Variants in SLC11A2 observed in about 807,000 individuals in gnomAD.
SLC11A2 encodes solute carrier family 11 member 2.
A neutral mutation model predicts 68.0 loss-of-function variants in SLC11A2; 38 were observed. The ratio of observed to expected loss-of-function variants is 0.56; its 90% CI spans 0.43 to 0.73. The LOEUF (loss-of-function observed/expected upper bound fraction) is 0.73, where lower values mean the gene tolerates loss of function less well. SLC11A2 is among the 30% of genes least tolerant of loss of function. The pLI, the probability that SLC11A2 is intolerant of heterozygous loss-of-function variation, is 0.00. For synonymous variants in SLC11A2, 242 were observed against 250.6 expected (o/e 0.97, Z 0.32); for missense variants, 517 against 690.5 (o/e 0.75, Z 2.82).
intron 2 of SLC11A2, among the ~76,000 whole-genome samples, chr12:51,010,485 TC>T (rs1943124359): frequency 1.5e-5 from 2 of 137,862 alleles, no homozygotes. Context: ...GCCACTGCAC[TC>T]CAACCTGGGT....
downstream of SLC11A2, among the ~76,000 whole-genome samples, chr12:50,977,767 C>A (rs541670621): frequency 6.6e-6 from 1 of 152,218 alleles, no homozygotes; most frequent in South Asian, 2.1e-4. Context: ...GGCTAATATC[C>A]AGAATCTACA....
chr12:51,016,783 G>A (rs968403251), intron 1 of SLC11A2, among the ~76,000 whole-genome samples: 3 of 150,388 alleles, frequency 2.0e-5, no homozygotes, highest in African/African-American at 4.9e-5. Flanking sequence ...GGAGGCGGAG[G>A]TTGCAATAAG....
At chr12:50,966,152 C>T in the SLC11A2 span, among the ~76,000 whole-genome samples, 3 of 152,198 alleles carry the variant, frequency 2.0e-5, no homozygotes, top group African/African-American at 4.8e-5. Flanking sequence ...AATGCTACCA[C>T]TTGACCCCCA....
chr12:50,971,946 T>C, the SLC11A2 span, among the ~76,000 whole-genome samples: 1 of 152,374 alleles, frequency 6.6e-6, no homozygotes, highest in Middle Eastern at 3.4e-3. Flanking sequence ...TTAAAAGTTG[T>C]CAACTGTATC....
At chr12:50,953,907 CAT>C in the SLC11A2 span, 1 of 694,978 alleles carries the variant, frequency 1.4e-6, no homozygotes. Flanking sequence ...CAAAAAAACA[CAT>C]AATCAAGAGT....
chr12:51,025,963 A>C, intron 1 of SLC11A2: 1 of 1,005,460 alleles, frequency 9.9e-7, no homozygotes, highest in Non-Finnish European at 1.2e-6. Context: ...GAGGCGTCGA[A>C]GCAGGTCAGC....
At chr12:50,953,705 G>A in the SLC11A2 span, among the ~76,000 whole-genome samples, 4 of 152,238 alleles carry the variant, frequency 2.6e-5, no homozygotes, top group Admixed American at 2.6e-4. Flanking sequence ...ATGCTGAGCA[G>A]TGGAAAGGAG....
rs1426235786 is a variant in SLC11A2 at position 50,987,767 on chromosome 12, A to G, written c.*558T>C. The stretch of plus-strand genomic sequence containing the variant: ...GAAATTAAAGTGGAAATAAGTTCAA[A>G]GAATCCTAAGCCTGATAGAGCTAGG... On this transcript the variant is annotated 3_prime_UTR_variant, in exon 16 of 16. Transcript: ENST00000262052. 3.6e-5 allele frequency: 46 copies of G among 1,286,892 alleles called. 1 individual carries two copies. Among genetic ancestry groups the G allele is most frequent in the Admixed American group, 1.4e-4 (6 of 43,494 alleles). The allele number at this position is 1,286,892 out of a possible 1,614,324, so 79.7% of individuals were successfully genotyped here.
chr12:50,957,985 T>TGTGTGTGTGTGTGTGTGTGTG, the SLC11A2 span, among the ~76,000 whole-genome samples: 1 of 136,070 alleles, frequency 7.3e-6, no homozygotes, highest in Non-Finnish European at 1.6e-5. Flanking sequence ...TGTGTGTGTG[T>TGTGTGTGTGTGTGTGTGTGTG]AGTAGAGGCA....
At chr12:50,978,468 A>G (rs1939881850), downstream of SLC11A2, among the ~76,000 whole-genome samples, 3 of 131,506 alleles carry the variant, frequency 2.3e-5, no homozygotes, top group South Asian at 5.0e-4. Context: ...CAGGAAGGGG[A>G]ACATCACACA....
In SLC11A2 at chr12:50,987,359, T is replaced by A. The variant is rs1048644048; in HGVS notation, c.*966A>T. The A allele has an allele frequency of 7.0e-6, 9 of 1,287,034 alleles. No individual in the cohort carries two copies. The Admixed American group carries it at 1.6e-4, about 23-fold the overall frequency. 79.7% of individuals were successfully genotyped at this position (1,287,034 alleles called of 1,614,324 possible). On this transcript the variant is annotated 3_prime_UTR_variant, in exon 16 of 16. Transcript: ENST00000262052. ...CTTGGGCATGAAGCAGAGCGGTGCA[T>A]CAGAAAAACATGACGATTCTGCTGA...
downstream of SLC11A2, among the ~76,000 whole-genome samples, chr12:50,978,921 T>A (rs752472620): frequency 6.6e-6 from 1 of 152,196 alleles, no homozygotes; most frequent in Admixed American, 6.5e-5. Flanking sequence ...TACACTCACC[T>A]GCCTTTTATA....
chr12:50,973,127 A>G, the SLC11A2 span, among the ~76,000 whole-genome samples: 1 of 152,210 alleles, frequency 6.6e-6, no homozygotes, highest in Non-Finnish European at 1.5e-5. Context: ...CCTGTCTGAC[A>G]GCTTGGAAGA....
At chr12:50,999,636 G>A in intron 6 of SLC11A2, 1 of 565,414 alleles carries the variant, frequency 1.8e-6, no homozygotes, top group Non-Finnish European at 3.1e-6. Context: ...GTCACTCTTA[G>A]GATACAAAGC....
In SLC11A2 at chr12:50,993,191, TA is replaced by T. The variant is rs10529796; in HGVS notation, c.1078-263del. ...GCTCCTAAACCTCCATCTTAAATATTAAAAAAAAAAAAAAAAAAAAAGAGGT... is the reference window on the plus strand; with the variant it reads ...GCTCCTAAACCTCCATCTTAAATATTAAAAAAAAAAAAAAAAAAAAGAGGT... On this transcript the variant is annotated intron_variant, in intron 11 of 15. Coordinates refer to ENST00000262052, the MANE Select transcript of SLC11A2 (RefSeq NM_000617.3). 7.1e-3 allele frequency: 1,517 copies of T among 212,786 alleles called. 12 individuals carry two copies. The highest frequency in any genetic ancestry group is 0.022 in the African/African-American group (824 of 37,482). The allele number at this position is 212,786 out of a possible 1,614,324, so 13.2% of individuals were successfully genotyped here. A position where few individuals can be genotyped will look rare whatever the true frequency, so the allele number is the denominator to read the frequency against.
intron 2 of SLC11A2, chr12:51,009,009 T>C (rs2136308635): frequency 1.4e-6 from 1 of 727,310 alleles, no homozygotes. Context: ...CAAAATATCA[T>C]ATTCCCAGAC....
chr12:50,979,019 A>G (rs1001621205), downstream of SLC11A2, among the ~76,000 whole-genome samples: 1 of 152,208 alleles, frequency 6.6e-6, no homozygotes, highest in African/African-American at 2.4e-5. Context: ...ATACATTGTC[A>G]GAGCATCCTT....
At position 50,991,631 on chromosome 12, in the gene SLC11A2, C is replaced by G; in HGVS notation, c.1389G>C (p.Leu463Phe). ...TGGCAAAGTCACTCATTACTGGCCG[C>G]AAGCTCGTAAATGTGAGGATGGGTA... ...ALIPILTFTS[L>F]RPVMSDFANG... is the part of the protein sequence containing the mutation. The change falls in exon 14 of 16, where the codon TTG (leucine) becomes TTC (phenylalanine). Residue 463 changes from leucine to phenylalanine, a missense_variant. By Grantham distance (22) the Leu-to-Phe change is conservative. Coordinates refer to ENST00000262052, the MANE Select transcript of SLC11A2 (RefSeq NM_000617.3). 6.2e-7 allele frequency: 1 copy of G among 1,613,912 alleles called. No individual in the cohort carries two copies. Among genetic ancestry groups the G allele is most frequent in the Non-Finnish European group, 8.5e-7 (1 of 1,179,948 alleles).
chr12:51,011,831 A>G (rs898129604), intron 1 of SLC11A2, among the ~76,000 whole-genome samples: 21 of 152,116 alleles, frequency 1.4e-4, no homozygotes, highest in Admixed American at 2.6e-4. Flanking sequence ...AAGTGCTGGG[A>G]TTACAGGCAT....
Sources: gnomAD v4.1 joint callset for allele counts (sites outside exome capture counted in the v4.1 genomes callset) on GRCh38, gnomAD v4.1.1 for gene constraint, MANE v1.5 for transcripts, NCBI Gene and HGNC (gene_info 2026-07-23, HGNC 2026-07-21) for gene names.